The following ASS1 variants were observed in gnomAD, a reference collection of about 807,000 sequenced individuals.
The protein encoded by ASS1 is argininosuccinate synthase.
In ASS1, 58 loss-of-function variants were observed where a neutral mutation model predicts 60.5. The observed-to-expected ratio is 0.96, with a 90% CI of 0.78 to 1.19. The LOEUF is 1.19. ASS1 is among the 50% of genes most tolerant of loss of function. The probability of loss-of-function intolerance (pLI) is 0.00; values close to 1 mark genes in which losing one functional copy is unlikely to be tolerated. For missense variants in ASS1, 454 were observed against 547.3 expected, an observed-to-expected ratio of 0.83 and a Z score of 1.70; for synonymous variants, 200 against 206.9, an observed-to-expected ratio of 0.97 and a Z score of 0.29.
chr9:130,496,350 G>C (rs1588510059), intron 13 of ASS1, among the ~76,000 whole-genome samples: 1 of 152,060 alleles, frequency 6.6e-6, no homozygotes, highest in East Asian at 1.9e-4. Context: ...GAGTCTGTGA[G>C]ATCAAGGGCG....
intron 6 of ASS1, among the ~76,000 whole-genome samples, chr9:130,469,928 A>G (rs1307195505): frequency 1.3e-5 from 2 of 152,022 alleles, no homozygotes; most frequent in Non-Finnish European, 2.9e-5. Context: ...TCAGAGGCAG[A>G]GCATCCAGTC....
Position 130,477,032 on chromosome 9 carries a change from T to A in ASS1, c.688+71T>A. On this transcript the variant is annotated intron_variant, in intron 9 of 14. Coordinates refer to ENST00000352480, the MANE Select transcript of ASS1 (RefSeq NM_054012.4). The surrounding 1 kb of genome is among the most constrained non-coding windows in gnomAD (Gnocchi z 4.2). ...CCCTGGCTCCTTTCCCCTCCCTGCC[T>A]GGGAACCTAGGCCCTCTTTACCCCC... 1 of 1,500,236 alleles carries A rather than the reference T, an allele frequency of 6.7e-7. No individual in the cohort carries two copies. The highest frequency in any genetic ancestry group is 9.3e-7 in the Non-Finnish European group (1 of 1,078,544). 92.9% of individuals were successfully genotyped at this position (1,500,236 alleles called of 1,614,324 possible).
chr9:130,492,132 C>T (rs539223511), intron 12 of ASS1, among the ~76,000 whole-genome samples: 15 of 152,302 alleles, frequency 9.8e-5, no homozygotes, highest in Non-Finnish European at 1.9e-4. Flanking sequence ...TATTCCAGTG[C>T]GTGAAATAAC....
At position 130,476,874 on chromosome 9, in the gene ASS1, C is replaced by G. The variant is rs563922134; in HGVS notation, c.601C>G (p.Gln201Glu). 31 of 1,613,864 alleles carry G rather than the reference C, an allele frequency of 1.9e-5. No individual in the cohort carries two copies. Among genetic ancestry groups the G allele is most frequent in the South Asian group, 5.5e-5 (5 of 91,064 alleles). ...ACCACTTTCTGTCTTTTTTCAGAAC[C>G]AAGCGCCTCCAGGTCTCTACACGAA... ...EAGILENPKN[Q>E]APPGLYTKTQ... is the part of the protein sequence containing the mutation. The change falls in exon 9 of 15, where the codon CAA becomes GAA. Residue 201 changes from glutamine (Q) to glutamate (E), a missense_variant. By Grantham distance (29) the Gln-to-Glu change is conservative. Coordinates refer to ENST00000352480, the MANE Select transcript of ASS1 (RefSeq NM_054012.4). The surrounding 1 kb of genome is among the most constrained non-coding windows in gnomAD (Gnocchi z 4.9).
chr9:130,481,046 G>A (rs1846161163), intron 11 of ASS1, among the ~76,000 whole-genome samples: 3 of 152,228 alleles, frequency 2.0e-5, no homozygotes. Flanking sequence ...CCTCTAGCCT[G>A]CCTAGCCTCG....
chr9:130,466,793 C>T lies in ASS1; in HGVS notation c.489C>T (p.Tyr163=), dbSNP rs377319610. Residue 163 remains tyrosine, a synonymous_variant, in exon 6 of 15, where the codon TAC becomes TAT. Transcript: ENST00000352480. ...RFKGRNDLME[Y]AKQHGIPIPV... ...AGGGCCGCAATGACCTGATGGAGTACGCAAAGGTATGGCCGAGTCTCCCCA... is the reference window on the plus strand; with the variant it reads ...AGGGCCGCAATGACCTGATGGAGTATGCAAAGGTATGGCCGAGTCTCCCCA... 85 of 1,613,908 alleles carry T rather than the reference C, an allele frequency of 5.3e-5. No individual in the cohort carries two copies. Among genetic ancestry groups the T allele is most frequent in the East Asian group, 3.3e-4 (15 of 44,886 alleles).
rs1773367101 is a variant in ASS1, at chr9:130,477,643, G to A, written c.688+682G>A. On this transcript the variant is annotated intron_variant, in intron 9 of 14. Transcript: ENST00000352480. The surrounding 1 kb of genome is among the most constrained non-coding windows in gnomAD (Gnocchi z 4.2). Reference sequence around the variant, plus strand: ...GCATCTCTTGGCCTGGAGGAAGGATGGAGAAGCGAGGCATGCCCGCCTGGG... The same window carrying A: ...GCATCTCTTGGCCTGGAGGAAGGATAGAGAAGCGAGGCATGCCCGCCTGGG... Among the ~76,000 whole-genome samples, 1 of 152,236 alleles carries A rather than the reference G, an allele frequency of 6.6e-6. No homozygotes were observed. The highest frequency in any genetic ancestry group is 2.4e-5 in the African/African-American group (1 of 41,468).
Position 130,489,406 on chromosome 9 carries a change from G to C in ASS1, c.912G>C (p.Arg304=). The stretch of plus-strand genomic sequence containing the variant: ...ACATCGAGGCCTTCACCATGGACCG[G>C]GAAGTGCGCAAAATCAAACAAGGCC... ...HLDIEAFTMD[R]EVRKIKQGLG... is the part of the protein sequence containing the mutation. The change falls in exon 12 of 15, where the codon CGG becomes CGC. Residue 304 remains arginine (R), a synonymous_variant. Transcript: ENST00000352480. The surrounding 1 kb of genome is among the most constrained non-coding windows in gnomAD (Gnocchi z 4.1). 2 of 1,614,056 alleles carry C rather than the reference G, an allele frequency of 1.2e-6. No homozygotes were observed. Among genetic ancestry groups the C allele is most frequent in the Non-Finnish European group, 1.7e-6 (2 of 1,180,022 alleles).
At chr9:130,446,950 A>T (rs1296901716) in intron 1 of ASS1, among the ~76,000 whole-genome samples, 1 of 152,232 alleles carries the variant, frequency 6.6e-6, no homozygotes, top group African/African-American at 2.4e-5. Flanking sequence ...CTTGGGGTCG[A>T]CCAGGCACCC....
At chr9:130,482,508 G>T (rs757022053) in intron 11 of ASS1, among the ~76,000 whole-genome samples, 8 of 151,936 alleles carry the variant, frequency 5.3e-5, no homozygotes, top group Non-Finnish European at 1.0e-4. Flanking sequence ...CATACGTGAT[G>T]AAAGTGTATT....
chr9:130,499,590 G>A lies in ASS1; in HGVS notation c.1193+20G>A, dbSNP rs1846690551. 1 of 1,609,816 alleles carries A rather than the reference G, an allele frequency of 6.2e-7. No homozygotes were observed. The highest frequency in any genetic ancestry group is 1.3e-5 in the African/African-American group (1 of 74,884). On this transcript the variant is annotated intron_variant, in intron 14 of 14. Coordinates refer to ENST00000352480, the MANE Select transcript of ASS1 (RefSeq NM_054012.4). ...CCTCAGGTGAGAAGCTCAGGGCCCT[G>A]ACGGGCCTTCAGAGCCTCCAGGTGT...
intron 3 of ASS1, 73 bp from the exon 4 acceptor site, chr9:130,458,328 G>T: frequency 6.3e-7 from 1 of 1,581,098 alleles, no homozygotes; most frequent in African/African-American, 1.3e-5. Context: ...GCTAGCTGAG[G>T]CCCCTGGGGC....
Position 130,478,703 on chromosome 9 carries a change from G to C in ASS1, c.689-1013G>C, listed in dbSNP as rs937750782. Among the ~76,000 whole-genome samples, 1 of 152,212 alleles carries C rather than the reference G, an allele frequency of 6.6e-6. No homozygotes were observed. The highest frequency in any genetic ancestry group is 2.4e-5 in the African/African-American group (1 of 41,448). ...GAAGGCCGATAATAGGACCGGGGAG[G>C]GAGAGAAAGGGAGAGAGGAGAGGCG... On this transcript the variant is annotated intron_variant, in intron 9 of 14. Coordinates refer to ENST00000352480, the MANE Select transcript of ASS1 (RefSeq NM_054012.4). This position sits in a 1 kb window ranked among gnomAD's most constrained non-coding sequence, Gnocchi z 4.7.
rs983788506 is a variant in ASS1 at position 130,479,104 on chromosome 9, C to T, written c.689-612C>T. 1.3e-4 allele frequency among the ~76,000 whole-genome samples: 20 copies of T among 152,076 alleles called. 1 individual carries two copies. The highest frequency in any genetic ancestry group is 7.2e-4 in the Admixed American group (11 of 15,286). On this transcript the variant is annotated intron_variant, in intron 9 of 14. Transcript: ENST00000352480. ...AGTCAACCCCGAACCCACCCACTGC[C>T]CCCACCCAACCCCTTCCCTCCTGCC...
In ASS1 at chr9:130,491,478, G is replaced by T. The variant is rs1846449084; in HGVS notation, c.970+2014G>T. 6.6e-6 allele frequency among the ~76,000 whole-genome samples: 1 copy of T among 152,218 alleles called. No homozygotes were observed. The highest frequency in any genetic ancestry group is 2.4e-5 in the African/African-American group (1 of 41,452). ...AGAGGTGAGGAAACGGAGGCCCCCA[G>T]GTGAAGACACTCACCCAGGCTCTCC... On this transcript the variant is annotated intron_variant, in intron 12 of 14. Transcript: ENST00000352480. This position sits in a 1 kb window ranked among gnomAD's most constrained non-coding sequence, Gnocchi z 5.3.
Position 130,471,479 on chromosome 9 carries a change from C to A in ASS1, c.567-6C>A. On this transcript the variant is annotated splice_region_variant and splice_polypyrimidine_tract_variant and intron_variant, in intron 7 of 14. Coordinates refer to ENST00000352480, the MANE Select transcript of ASS1 (RefSeq NM_054012.4). ...GCTGACCCTGTCTTTCCTTTCCCCT[C>A]CGCAGCTACGAGGCTGGAATCCTGG... is the stretch of plus-strand genomic sequence containing the variant. The A allele has an allele frequency of 6.2e-7, 1 of 1,614,148 alleles. No individual in the cohort carries two copies. Among genetic ancestry groups the A allele is most frequent in the Admixed American group, 1.7e-5 (1 of 60,032 alleles).
In ASS1 at chr9:130,489,494, A is replaced by G. The variant is rs1846395334; in HGVS notation, c.970+30A>G. On this transcript the variant is annotated intron_variant, in intron 12 of 14. Transcript: ENST00000352480. The surrounding 1 kb of genome is among the most constrained non-coding windows in gnomAD (Gnocchi z 4.1). ...GTAAGACTCTATGGCTGCCCCCTCT[A>G]ACCGCCTCACAAGGGATCCCAAAGT... 2 of 1,613,694 alleles carry G rather than the reference A, an allele frequency of 1.2e-6. No individual in the cohort carries two copies. Among genetic ancestry groups the G allele is most frequent in the African/African-American group, 1.3e-5 (1 of 74,946 alleles).
At chr9:130,500,880 T>C in intron 14 of ASS1, 96 bp from the exon 15 acceptor site, 2 of 1,366,922 alleles carry the variant, frequency 1.5e-6, no homozygotes, top group South Asian at 2.4e-5. Context: ...AACAAACAGC[T>C]GCCCCAGCCA....
chr9:130,454,190 G>A, intron 2 of ASS1, 115 bp from the exon 3 acceptor site: 3 of 1,047,056 alleles, frequency 2.9e-6, no homozygotes, highest in Admixed American at 2.0e-5. Context: ...CTGTGACTTG[G>A]CCATGGAATG....
Sources: gnomAD v4.1 joint callset for allele counts (sites outside exome capture counted in the v4.1 genomes callset) on GRCh38, gnomAD v4.1.1 for gene constraint, Gnocchi (gnomAD v3.1) non-coding constraint, MANE v1.5 for transcripts, NCBI Gene and HGNC (gene_info 2026-07-23, HGNC 2026-07-21) for gene names.